Variants in NRBP2 observed in about 807,000 individuals in gnomAD.
NRBP2 encodes nuclear receptor binding protein 2, also known as nuclear receptor-binding protein 2.
In NRBP2, 47 loss-of-function variants were observed where a neutral mutation model predicts 74.4. That is an observed-to-expected ratio of 0.63 (90% CI 0.50 to 0.81). The LOEUF is 0.81. Among genes scored for constraint, NRBP2 ranks in the 30% least tolerant of loss-of-function variants. The pLI, the probability that NRBP2 is intolerant of heterozygous loss-of-function variation, is 0.00. For synonymous variants in NRBP2, 312 were observed against 273.8 expected (o/e 1.14, Z -1.38); for missense variants, 613 against 690.1 (o/e 0.89, Z 1.25).
In NRBP2 at chr8:143,839,989, G is replaced by C. The variant is rs893470457; in HGVS notation, c.294C>G (p.Asp98Glu). 5 of 1,536,042 alleles carry C rather than the reference G, an allele frequency of 3.3e-6. No homozygotes were observed. In the African/African-American group the frequency reaches 6.8e-5, roughly 21 times the overall value. ...QTVFEQLVLV[D>E]HPNIVKLHKY... ...TGTGCAACTTCACGATGTTCGGGTG[G>C]TCCACCAGCACCAGCTGCTCGAACA... Residue 98 changes from aspartate (D) to glutamate (E), a missense_variant, in exon 3 of 18, where the codon GAC (aspartate) becomes GAG (glutamate). Physicochemically the swap from Asp to Glu is conservative, Grantham distance 45. Coordinates refer to ENST00000442628, the MANE Select transcript of NRBP2 (RefSeq NM_178564.4). This position sits in a 1 kb window ranked among gnomAD's most constrained non-coding sequence, Gnocchi z 5.1.
chr8:143,839,107 G>T lies in NRBP2; in HGVS notation c.605-7C>A, dbSNP rs55864230. On this transcript the variant is annotated splice_polypyrimidine_tract_variant and splice_region_variant and intron_variant, in intron 7 of 17. Transcript: ENST00000442628. This position sits in a 1 kb window ranked among gnomAD's most constrained non-coding sequence, Gnocchi z 5.1. Reference sequence around the variant, plus strand: ...CGGAGATCATCTGGAAGTGCTGTGGGAGGGCGCAGAGCTGAGCGGGCGGGG... The same window carrying T: ...CGGAGATCATCTGGAAGTGCTGTGGTAGGGCGCAGAGCTGAGCGGGCGGGG... 8 of 1,520,016 alleles carry T rather than the reference G, an allele frequency of 5.3e-6. No homozygotes were observed. Among genetic ancestry groups the T allele is most frequent in the Non-Finnish European group, 7.0e-6 (8 of 1,136,908 alleles). The allele number at this position is 1,520,016 out of a possible 1,614,324, so 94.2% of individuals were successfully genotyped here.
Position 143,840,293 on chromosome 8 carries a change from T to A in NRBP2, c.130-64A>T. 6.6e-7 allele frequency: 1 copy of A among 1,525,784 alleles called. No homozygotes were observed. The highest frequency in any genetic ancestry group is 8.8e-7 in the Non-Finnish European group (1 of 1,140,794). 94.5% of individuals were successfully genotyped at this position (1,525,784 alleles called of 1,614,324 possible). Reference sequence around the variant, plus strand: ...GTCAGGGTTGTGGGTGAGGATTTGGTCCCTGTCCACACCTTTCCAGTGGGC... The same window carrying A: ...GTCAGGGTTGTGGGTGAGGATTTGGACCCTGTCCACACCTTTCCAGTGGGC... On this transcript the variant is annotated intron_variant, in intron 1 of 17. Transcript: ENST00000442628. This position sits in a 1 kb window ranked among gnomAD's most constrained non-coding sequence, Gnocchi z 5.7.
chr8:143,838,522 T>C (rs1818531432), intron 10 of NRBP2, among the ~76,000 whole-genome samples, 158 bp downstream of exon 10: 2 of 152,258 alleles, frequency 1.3e-5, no homozygotes, highest in African/African-American at 4.8e-5. Context: ...GGAACCAGTA[T>C]GTGCTCCCAC....
At chr8:143,830,124 T>C (rs192214218), downstream of NRBP2, among the ~76,000 whole-genome samples, 10 of 152,362 alleles carry the variant, frequency 6.6e-5, no homozygotes, top group Admixed American at 5.9e-4. Flanking sequence ...TAGAATTTAA[T>C]ACAGACACTT....
In NRBP2 at chr8:143,839,484, C is replaced by CGCCCAGGCCA. The variant is rs1221662204; in HGVS notation, c.485+15_485+24dup. 27 of 1,530,516 alleles carry CGCCCAGGCCA rather than the reference C, an allele frequency of 1.8e-5. No homozygotes were observed. In the Admixed American group the frequency reaches 2.6e-4, roughly 14 times the overall value. 94.8% of individuals were successfully genotyped at this position (1,530,516 alleles called of 1,614,324 possible). On this transcript the variant is annotated intron_variant, in intron 5 of 17. Coordinates refer to ENST00000442628, the MANE Select transcript of NRBP2 (RefSeq NM_178564.4). This position sits in a 1 kb window ranked among gnomAD's most constrained non-coding sequence, Gnocchi z 5.1. ...GAGAGATGGGGGCTCGGTGGCGCCGCGCCCAGGCCAGCCCAGGCCCTCACC... is the reference window on the plus strand; with the variant it reads ...GAGAGATGGGGGCTCGGTGGCGCCGCGCCCAGGCCAGCCCAGGCCAGCCCAGGCCCTCACC...
chr8:143,840,327 G>A lies in NRBP2; in HGVS notation c.130-98C>T. The stretch of plus-strand genomic sequence containing the variant: ...ACACCTTTCCAGTGGGCCCAAGCGT[G>A]GGCTGCAGGCCCTGAGCCACTCTGC... On this transcript the variant is annotated intron_variant, in intron 1 of 17. Transcript: ENST00000442628. This position sits in a 1 kb window ranked among gnomAD's most constrained non-coding sequence, Gnocchi z 5.7. The A allele has an allele frequency of 1.4e-6, 2 of 1,460,878 alleles. No individual in the cohort carries two copies. Among genetic ancestry groups the A allele is most frequent in the Non-Finnish European group, 9.1e-7 (1 of 1,093,516 alleles). 90.5% of individuals were successfully genotyped at this position (1,460,878 alleles called of 1,614,324 possible).
chr8:143,831,730 AAC>A (rs1431945237), downstream of NRBP2, among the ~76,000 whole-genome samples: 1 of 152,180 alleles, frequency 6.6e-6, no homozygotes, highest in African/African-American at 2.4e-5. Context: ...CCTAGAACCA[AAC>A]AGTCATGTTT....
At position 143,838,998 on chromosome 8, in the gene NRBP2, C is replaced by A. The variant is rs991803271; in HGVS notation, c.688+19G>T. The A allele has an allele frequency of 1.3e-6, 2 of 1,553,254 alleles. No individual in the cohort carries two copies. Among genetic ancestry groups the A allele is most frequent in the Admixed American group, 1.9e-5 (1 of 51,536 alleles). On this transcript the variant is annotated intron_variant, in intron 8 of 17. Coordinates refer to ENST00000442628, the MANE Select transcript of NRBP2 (RefSeq NM_178564.4). ...AAGCGCAGGGTAGGCACGGGGCACC[C>A]GGACCCAGCACCACTCACCTCCATA...
intron 14 of NRBP2, 64 bp downstream of exon 14, chr8:143,836,975 C>T (rs565854918): frequency 1.1e-5 from 17 of 1,549,312 alleles, no homozygotes; most frequent in East Asian, 2.2e-5. Context: ...GAAGGAGGGG[C>T]ACCTCTTATC....
In NRBP2 at chr8:143,837,102, G is replaced by C. The variant is rs782524931; in HGVS notation, c.1200C>G (p.Pro400=). The change falls in exon 14 of 18, where the codon CCC becomes CCG. Residue 400 remains proline (P), a synonymous_variant. Coordinates refer to ENST00000442628, the MANE Select transcript of NRBP2 (RefSeq NM_178564.4). The surrounding 1 kb of genome is among the most constrained non-coding windows in gnomAD (Gnocchi z 4.3). ...PLGLPRVLAP[P]PEEVQKAKTP... is the part of the protein sequence containing the mutation. ...TCTTGGCCTTTTGGACCTCCTCCGG[G>C]GGTGGGGCCAGCACACGGGGCAGCC... is the stretch of plus-strand genomic sequence containing the variant. 6.2e-7 allele frequency: 1 copy of C among 1,612,524 alleles called. No homozygotes were observed. The highest frequency in any genetic ancestry group is 2.2e-5 in the East Asian group (1 of 44,862).
intron 14 of NRBP2, 53 bp from the exon 15 acceptor site, chr8:143,836,233 G>T: frequency 1.4e-6 from 2 of 1,475,090 alleles, no homozygotes; most frequent in Non-Finnish European, 1.8e-6. Flanking sequence ...ACCACATGCC[G>T]CGGCCCCAAA....
At chr8:143,830,292 C>T (rs1226323379), downstream of NRBP2, among the ~76,000 whole-genome samples, 6 of 152,388 alleles carry the variant, frequency 3.9e-5, no homozygotes, top group South Asian at 1.2e-3. Flanking sequence ...GCCCACTTGG[C>T]TATGGAGGCC....
Position 143,840,386 on chromosome 8 carries a change from G to GGAGCCAAGGGCTCC in NRBP2, c.130-171_130-158dup. The GGAGCCAAGGGCTCC allele has an allele frequency of 2.0e-6, 2 of 997,438 alleles. No homozygotes were observed. Among genetic ancestry groups the GGAGCCAAGGGCTCC allele is most frequent in the Non-Finnish European group, 2.9e-6 (2 of 697,510 alleles). The allele number at this position is 997,438 out of a possible 1,614,324, so 61.8% of individuals were successfully genotyped here. The stretch of plus-strand genomic sequence containing the variant: ...GGGGCTTGGAGGGTAGCTGCCCCCA[G>GGAGCCAAGGGCTCC]GAGCCAAGGGCTCCTATCCAAGGGC... On this transcript the variant is annotated intron_variant, in intron 1 of 17. Transcript: ENST00000442628. The surrounding 1 kb of genome is among the most constrained non-coding windows in gnomAD (Gnocchi z 5.7).
intron 8 of NRBP2, 25 bp from the exon 9 acceptor site, chr8:143,838,963 C>G (rs563719020): frequency 1.3e-6 from 2 of 1,587,992 alleles, no homozygotes; most frequent in Non-Finnish European, 1.7e-6. Context: ...GCACAGGACA[C>G]GTAGGAGAGA....
chr8:143,838,217 C>T, intron 10 of NRBP2: 1 of 379,818 alleles, frequency 2.6e-6, no homozygotes, highest in Non-Finnish European at 5.0e-6. Flanking sequence ...GCAGAGGGGG[C>T]TGTGGATGCA....
chr8:143,832,680 T>G (rs1455287554), downstream of NRBP2, among the ~76,000 whole-genome samples: 4 of 152,224 alleles, frequency 2.6e-5, no homozygotes, highest in African/African-American at 9.7e-5. Context: ...TTGTCTATGA[T>G]GCAAAGACCT....
At position 143,834,885 on chromosome 8, in the gene NRBP2, C is replaced by T. The variant is rs1320785913; in HGVS notation, c.*777G>A. ...AGGTGCGGGAGGTAACATGGAGGGG[C>T]TGTGAGTCTGAGGAGCAGGGAGGAT... On this transcript the variant is annotated 3_prime_UTR_variant, in exon 18 of 18. Transcript: ENST00000442628. 6.6e-6 allele frequency: 1 copy of T among 152,360 alleles called. No individual in the cohort carries two copies. The highest frequency in any genetic ancestry group is 1.5e-5 in the Non-Finnish European group (1 of 68,150). The allele number at this position is 152,360 out of a possible 1,614,324, so 9.4% of individuals were successfully genotyped here.
chr8:143,830,436 C>G (rs2130492558), downstream of NRBP2, among the ~76,000 whole-genome samples: 1 of 152,372 alleles, frequency 6.6e-6, no homozygotes, highest in Middle Eastern at 3.4e-3. Context: ...AGGCCCTGCT[C>G]AAGCAAGGCC....
At position 143,837,341 on chromosome 8, in the gene NRBP2, G is replaced by A. The variant is rs782284261; in HGVS notation, c.1077-42C>T. 7.4e-5 allele frequency: 116 copies of A among 1,558,050 alleles called. No homozygotes were observed. Among genetic ancestry groups the A allele is most frequent in the Non-Finnish European group, 8.8e-5 (100 of 1,140,966 alleles). The stretch of plus-strand genomic sequence containing the variant: ...AGGCACATGAGGGGCTGGCCGGGGC[G>A]AGGGGAGGGGAGGTGCGGGGAGGGG... On this transcript the variant is annotated intron_variant, in intron 12 of 17. Coordinates refer to ENST00000442628, the MANE Select transcript of NRBP2 (RefSeq NM_178564.4). The surrounding 1 kb of genome is among the most constrained non-coding windows in gnomAD (Gnocchi z 4.3).
Sources: gnomAD v4.1 joint callset for allele counts (sites outside exome capture counted in the v4.1 genomes callset) on GRCh38, gnomAD v4.1.1 for gene constraint, Gnocchi (gnomAD v3.1) non-coding constraint, MANE v1.5 for transcripts, NCBI Gene and HGNC (gene_info 2026-07-23, HGNC 2026-07-21) for gene names.